KCNU1: variants seen among roughly 807,000 people sequenced by gnomAD.
KCNU1 encodes potassium channel subfamily U member 1.
A neutral mutation model predicts 126.8 loss-of-function variants in KCNU1; 93 were observed. The observed-to-expected ratio is 0.73, with a 90% CI of 0.62 to 0.87. The LOEUF is 0.87. Ranked by LOEUF, KCNU1 falls within the 40% of genes least tolerant of loss-of-function variation. The pLI is 0.00. For missense variants in KCNU1, 1,330 were observed against 1,367.1 expected, an observed-to-expected ratio of 0.97 and a Z score of 0.43; for synonymous variants, 523 against 494.2, an observed-to-expected ratio of 1.06 and a Z score of -0.77.
chr8:36,863,498 T>C (rs916151772), intron 18 of KCNU1, among the ~76,000 whole-genome samples: 7 of 152,214 alleles, frequency 4.6e-5, no homozygotes, highest in African/African-American at 1.7e-4. Flanking sequence ...AATCAGGTTC[T>C]GGCAAGCGGA....
intron 22 of KCNU1, among the ~76,000 whole-genome samples, chr8:36,912,551 T>G (rs1026687151): frequency 6.6e-6 from 1 of 152,170 alleles, no homozygotes; most frequent in African/African-American, 2.4e-5. Flanking sequence ...TGTTCTGCCA[T>G]AGGAATCCTT....
intron 9 of KCNU1, among the ~76,000 whole-genome samples, chr8:36,816,149 GC>G (rs1394674206): frequency 1.3e-5 from 2 of 152,128 alleles, no homozygotes; most frequent in African/African-American, 4.8e-5. Context: ...ACCATCGGGG[GC>G]TCATTTACGG....
At chr8:36,909,770 G>A (rs1253848601) in intron 21 of KCNU1, among the ~76,000 whole-genome samples, 1 of 152,166 alleles carries the variant, frequency 6.6e-6, no homozygotes, top group African/African-American at 2.4e-5. Context: ...TGTACAGCCA[G>A]TAAGTAACTA....
chr8:36,878,759 G>T (rs868784142), intron 19 of KCNU1, among the ~76,000 whole-genome samples: 19 of 149,364 alleles, frequency 1.3e-4, no homozygotes, highest in African/African-American at 4.2e-4. Flanking sequence ...TAGGACATAT[G>T]TGTATATTTT....
At chr8:36,845,701 T>G in intron 17 of KCNU1, 32 bp downstream of exon 17, 1 of 1,505,794 alleles carries the variant, frequency 6.6e-7, no homozygotes, top group Non-Finnish European at 9.2e-7. Flanking sequence ...GGAAAAGCAC[T>G]AAAGCAACTA....
At chr8:36,883,593 G>A (rs529444818) in intron 19 of KCNU1, among the ~76,000 whole-genome samples, 20 of 152,060 alleles carry the variant, frequency 1.3e-4, no homozygotes, top group Non-Finnish European at 2.6e-4. Context: ...AGACCAGCCT[G>A]GGCAACATGG....
intron 19 of KCNU1, among the ~76,000 whole-genome samples, chr8:36,866,066 A>T (rs529291135): frequency 3.3e-5 from 5 of 152,188 alleles, no homozygotes; most frequent in Non-Finnish European, 5.9e-5. Context: ...GTACCAAGGA[A>T]TCACTTTGCT....
chr8:36,795,620 G>A (rs1585381670), intron 2 of KCNU1: 1 of 152,394 alleles, frequency 6.6e-6, no homozygotes, highest in African/African-American at 2.4e-5. Flanking sequence ...AACTTCTCCT[G>A]TCCATAGTTC....
chr8:36,808,823 G>A, intron 7 of KCNU1, 30 bp downstream of exon 7: 2 of 1,527,276 alleles, frequency 1.3e-6, no homozygotes, highest in African/African-American at 1.4e-5. Flanking sequence ...CCCTAGTGGT[G>A]TCTGTTGTTA....
chr8:36,914,463 A>G (rs1006955408), intron 22 of KCNU1, among the ~76,000 whole-genome samples: 2 of 152,206 alleles, frequency 1.3e-5, no homozygotes, highest in East Asian at 1.9e-4. Flanking sequence ...GCCCTAACCT[A>G]TCTGGTGAGG....
chr8:36,836,174 C>A, intron 12 of KCNU1, 122 bp from the exon 13 acceptor site: 1 of 625,552 alleles, frequency 1.6e-6, no homozygotes, highest in Non-Finnish European at 2.8e-6. Flanking sequence ...CAACAATAAA[C>A]TTTATTATAT....
chr8:36,839,884 A>C (rs753009323), intron 14 of KCNU1, among the ~76,000 whole-genome samples: 4 of 152,050 alleles, frequency 2.6e-5, no homozygotes, highest in Non-Finnish European at 2.9e-5. Context: ...AGCCATTTTG[A>C]GATATCTTTC....
At chr8:36,872,076 T>C (rs2211727) in intron 19 of KCNU1, among the ~76,000 whole-genome samples, 53,253 of 152,062 alleles carry the variant, frequency 0.35, 9,965 homozygotes, top group Admixed American at 0.42. Context: ...CACTTTGTGT[T>C]ATTTGCCCTC....
At chr8:36,899,536 T>A (rs1008179428) in intron 19 of KCNU1, among the ~76,000 whole-genome samples, 2 of 152,116 alleles carry the variant, frequency 1.3e-5, no homozygotes, top group Admixed American at 6.6e-5. Flanking sequence ...AGATGTTTTT[T>A]AAATCATACC....
chr8:36,786,650 TC>T (rs1174810208), intron 1 of KCNU1, among the ~76,000 whole-genome samples: 1 of 152,220 alleles, frequency 6.6e-6, no homozygotes, highest in African/African-American at 2.4e-5. Flanking sequence ...CCCCAGCCTT[TC>T]CTCATTGCCT....
intron 20 of KCNU1, among the ~76,000 whole-genome samples, chr8:36,908,120 C>T (rs1421821849): frequency 2.0e-5 from 3 of 152,056 alleles, no homozygotes; most frequent in East Asian, 1.9e-4. Flanking sequence ...TCTGTTACAT[C>T]CCAGTGCTGT....
intron 24 of KCNU1, 105 bp downstream of exon 24, chr8:36,922,734 C>A: frequency 1.7e-6 from 2 of 1,198,054 alleles, no homozygotes. Flanking sequence ...GTTCTAAGTT[C>A]TCTTTGATTT....
At chr8:36,895,402 G>T (rs1426846793) in intron 19 of KCNU1, among the ~76,000 whole-genome samples, 1 of 151,894 alleles carries the variant, frequency 6.6e-6, no homozygotes, top group Non-Finnish European at 1.5e-5. Flanking sequence ...TAAAAACCTG[G>T]ATCAAGATTA....
Position 36,840,969 on chromosome 8 carries a change from A to G in KCNU1, c.1669A>G (p.Ile557Val), listed in dbSNP as rs769481046. The G allele has an allele frequency of 5.0e-6, 8 of 1,611,328 alleles. No individual in the cohort carries two copies. Among genetic ancestry groups the G allele is most frequent in the Non-Finnish European group, 6.8e-6 (8 of 1,178,958 alleles). ...GAAGATGCACCTCCTGTTGATAGCC[A>G]TCGAATACAAGTCCCTCTTTACGGA... is the stretch of plus-strand genomic sequence containing the variant. ...FLKMHLLLIA[I>V]EYKSLFTDGF... Residue 557 changes from isoleucine to valine, a missense_variant, in exon 16 of 27, where the codon ATC becomes GTC. Coordinates refer to ENST00000399881, the MANE Select transcript of KCNU1 (RefSeq NM_001031836.3).
Sources: allele counts gnomAD v4.1 joint callset (sites outside exome capture counted in the v4.1 genomes callset), GRCh38; gene constraint gnomAD v4.1.1; transcripts MANE v1.5; gene names NCBI Gene and HGNC (gene_info 2026-07-23, HGNC 2026-07-21).